The following KIRREL3 variants were observed in gnomAD, a reference collection of about 807,000 sequenced individuals.
The protein encoded by KIRREL3 is kin of IRRE-like protein 3.
A neutral mutation model predicts 89.7 loss-of-function variants in KIRREL3; 36 were observed. The observed-to-expected ratio is 0.40, with a 90% CI of 0.31 to 0.53. The LOEUF is 0.53. Among genes scored for constraint, KIRREL3 ranks in the 20% least tolerant of loss-of-function variants. The probability of loss-of-function intolerance (pLI) is 0.49; values close to 1 mark genes in which losing one functional copy is unlikely to be tolerated. For missense variants in KIRREL3, 864 were observed against 1,056.6 expected, an observed-to-expected ratio of 0.82 and a Z score of 2.53; for synonymous variants, 445 against 441.4, an observed-to-expected ratio of 1.01 and a Z score of -0.10.
At position 126,755,781 on chromosome 11, in the gene KIRREL3, T is replaced by C. The variant is rs1321470718; in HGVS notation, c.56-192869A>G. Reference sequence around the variant, plus strand: ...CCTTCTTTGCACTTTTTCCACCCCCTCACCACTACCCTGAATGCGTGCTCG... The same window carrying C: ...CCTTCTTTGCACTTTTTCCACCCCCCCACCACTACCCTGAATGCGTGCTCG... On this transcript the variant is annotated intron_variant, in intron 1 of 16. Coordinates refer to ENST00000525144, the MANE Select transcript of KIRREL3 (RefSeq NM_032531.4). The surrounding 1 kb of genome is among the most constrained non-coding windows in gnomAD (Gnocchi z 4.3). Among the ~76,000 whole-genome samples the C allele has an allele frequency of 6.7e-6, 1 of 150,366 alleles. No individual in the cohort carries two copies. The highest frequency in any genetic ancestry group is 2.5e-5 in the African/African-American group (1 of 40,718).
intron 1 of KIRREL3, among the ~76,000 whole-genome samples, chr11:126,829,412 A>G (rs1218305928): frequency 2.0e-5 from 3 of 152,194 alleles, no homozygotes; most frequent in African/African-American, 7.2e-5. Flanking sequence ...AGTTGGTTAA[A>G]AAGATCTTTT....
intron 10 of KIRREL3, among the ~76,000 whole-genome samples, chr11:126,444,425 G>T (rs1213216443): frequency 1.3e-5 from 2 of 152,214 alleles, no homozygotes; most frequent in African/African-American, 2.4e-5. Context: ...TTGAGGTTAG[G>T]AGTTGGAGAC....
At position 126,972,883 on chromosome 11, in the gene KIRREL3, C is replaced by T. The variant is rs116961014; in HGVS notation, c.55+27572G>A. Among the ~76,000 whole-genome samples, 740 of 151,974 alleles carry T rather than the reference C, an allele frequency of 4.9e-3. 6 individuals carry two copies. Among genetic ancestry groups the T allele is most frequent in the African/African-American group, 0.017 (702 of 41,446 alleles). On this transcript the variant is annotated intron_variant, in intron 1 of 16. Transcript: ENST00000525144. ...GAAAAAAAGTCATTTTTTCATTTTC[C>T]GCCATCGTGCACATAAAAAGGGACA...
In KIRREL3 at chr11:126,923,130, T is replaced by TTCTC. The variant is rs1555090108; in HGVS notation, c.55+77324_55+77325insGAGA. 1.8e-4 allele frequency among the ~76,000 whole-genome samples: 3 copies of TTCTC among 16,304 alleles called. 1 individual carries two copies. The highest frequency in any genetic ancestry group is 2.5e-4 in the African/African-American group (1 of 3,970). 10.7% of individuals were successfully genotyped at this position (16,304 alleles called of 152,430 possible). On this transcript the variant is annotated intron_variant, in intron 1 of 16. Transcript: ENST00000525144. ...CTTCTCCTTCTCCTTCTCCTTCTTC[T>TTCTC]CTTCTTCTTCTTCTTCTTCTTCTTC...
Position 126,615,219 on chromosome 11 carries a change from C to G in KIRREL3, c.56-52307G>C, listed in dbSNP as rs1338515380. Among the ~76,000 whole-genome samples the G allele has an allele frequency of 6.6e-5, 10 of 152,164 alleles. No homozygotes were observed. The highest frequency in any genetic ancestry group is 1.3e-4 in the Non-Finnish European group (9 of 68,022). On this transcript the variant is annotated intron_variant, in intron 1 of 16. Transcript: ENST00000525144. The surrounding 1 kb of genome is among the most constrained non-coding windows in gnomAD (Gnocchi z 5.4). Reference sequence around the variant, plus strand: ...GCACCTGCTTTTATGACAGTCTTCTCTACAATGAGACGACATCTTTCTCAT... The same window carrying G: ...GCACCTGCTTTTATGACAGTCTTCTGTACAATGAGACGACATCTTTCTCAT...
intron 1 of KIRREL3, among the ~76,000 whole-genome samples, chr11:126,863,337 G>GT (rs1745297864): frequency 6.6e-6 from 1 of 152,200 alleles, no homozygotes; most frequent in Non-Finnish European, 1.5e-5. Context: ...ATGTGGGGAG[G>GT]TGGGCATGGG....
chr11:126,449,269 G>C (rs1955937540), intron 7 of KIRREL3, 112 bp from the exon 8 acceptor site: 1 of 1,188,282 alleles, frequency 8.4e-7, no homozygotes, highest in Non-Finnish European at 1.2e-6. Context: ...TGGCAAGTGG[G>C]GAGTCCTCTG....
intron 1 of KIRREL3, among the ~76,000 whole-genome samples, chr11:126,648,107 A>G (rs1944763244): frequency 6.6e-6 from 1 of 152,022 alleles, no homozygotes. Flanking sequence ...GAAAGTGTGT[A>G]TCACCTCCTC....
At position 126,814,219 on chromosome 11, in the gene KIRREL3, C is replaced by G. The variant is rs1011920980; in HGVS notation, c.55+186236G>C. ...ACCACAATGACATACCATCTCATGC[C>G]AGGCAGAATGGCTTTTTTTTTAAAA... On this transcript the variant is annotated intron_variant, in intron 1 of 16. Coordinates refer to ENST00000525144, the MANE Select transcript of KIRREL3 (RefSeq NM_032531.4). This position sits in a 1 kb window ranked among gnomAD's most constrained non-coding sequence, Gnocchi z 4.4. Among the ~76,000 whole-genome samples the G allele has an allele frequency of 3.3e-5, 5 of 151,988 alleles. No homozygotes were observed. The highest frequency in any genetic ancestry group is 7.4e-5 in the Non-Finnish European group (5 of 68,010).
Position 126,954,514 on chromosome 11 carries a change from T to C in KIRREL3, c.55+45941A>G, listed in dbSNP as rs1784355. ...CTCCTGTCTATCTCCCTCCTCCCCATCCCCTCGTCCTCCTCTAGGCCTTTA... is the reference window on the plus strand; with the variant it reads ...CTCCTGTCTATCTCCCTCCTCCCCACCCCCTCGTCCTCCTCTAGGCCTTTA... On this transcript the variant is annotated intron_variant, in intron 1 of 16. Coordinates refer to ENST00000525144, the MANE Select transcript of KIRREL3 (RefSeq NM_032531.4). The surrounding 1 kb of genome is among the most constrained non-coding windows in gnomAD (Gnocchi z 4.1). Among the ~76,000 whole-genome samples the C allele has an allele frequency of 0.89, 135,644 of 151,706 alleles. 60,801 individuals carry two copies. The highest frequency in any genetic ancestry group is 0.96 in the Middle Eastern group (282 of 294).
Position 126,736,919 on chromosome 11 carries a change from A to G in KIRREL3, c.56-174007T>C, listed in dbSNP as rs1303081567. The stretch of plus-strand genomic sequence containing the variant: ...ACTGGCTGTCACAAGCATGGTGTGG[A>G]AAGGTCCTACTTAGTTTTCCAGGGA... On this transcript the variant is annotated intron_variant, in intron 1 of 16. Transcript: ENST00000525144. The surrounding 1 kb of genome is among the most constrained non-coding windows in gnomAD (Gnocchi z 5.0). Among the ~76,000 whole-genome samples the G allele has an allele frequency of 6.6e-6, 1 of 152,222 alleles. No homozygotes were observed. The highest frequency in any genetic ancestry group is 2.4e-5 in the African/African-American group (1 of 41,462).
At chr11:126,706,774 A>G (rs1947545097) in intron 1 of KIRREL3, among the ~76,000 whole-genome samples, 1 of 152,138 alleles carries the variant, frequency 6.6e-6, no homozygotes, top group Non-Finnish European at 1.5e-5. Context: ...TTCTGTAAAC[A>G]TCTTTTGCCC....
intron 4 of KIRREL3, among the ~76,000 whole-genome samples, chr11:126,518,190 G>A (rs1958476179): frequency 6.6e-6 from 1 of 152,200 alleles, no homozygotes; most frequent in Admixed American, 6.5e-5. Flanking sequence ...CTGAGAGCTG[G>A]AAACACAACG....
intron 1 of KIRREL3, among the ~76,000 whole-genome samples, chr11:126,667,056 A>G (rs866717133): frequency 6.6e-6 from 1 of 152,234 alleles, no homozygotes; most frequent in Non-Finnish European, 1.5e-5. Context: ...AATTTATTTC[A>G]GGGAGAGATA....
chr11:126,687,191 G>T lies in KIRREL3; in HGVS notation c.56-124279C>A, dbSNP rs2135120393. ...CACCTGCAACACTGTCATCAAACGTGCTGAGCCCTGCCTTGCGCCAGGCAG... is the reference window on the plus strand; with the variant it reads ...CACCTGCAACACTGTCATCAAACGTTCTGAGCCCTGCCTTGCGCCAGGCAG... On this transcript the variant is annotated intron_variant, in intron 1 of 16. Coordinates refer to ENST00000525144, the MANE Select transcript of KIRREL3 (RefSeq NM_032531.4). The surrounding 1 kb of genome is among the most constrained non-coding windows in gnomAD (Gnocchi z 4.6). 6.6e-6 allele frequency among the ~76,000 whole-genome samples: 1 copy of T among 152,304 alleles called. No homozygotes were observed. The highest frequency in any genetic ancestry group is 2.1e-4 in the South Asian group (1 of 4,818).
chr11:126,810,421 T>TTCTTCTG (rs1207256894), intron 1 of KIRREL3, among the ~76,000 whole-genome samples: 4 of 152,144 alleles, frequency 2.6e-5, no homozygotes, highest in African/African-American at 9.6e-5. Flanking sequence ...TGGGAGGCCT[T>TTCTTCTG]TCTTCTGGTC....
rs1448235836 is a variant in KIRREL3, at chr11:126,965,735, C to T, written c.55+34720G>A. Among the ~76,000 whole-genome samples, 2 of 152,044 alleles carry T rather than the reference C, an allele frequency of 1.3e-5. No homozygotes were observed. Among genetic ancestry groups the T allele is most frequent in the Non-Finnish European group, 2.9e-5 (2 of 68,024 alleles). On this transcript the variant is annotated intron_variant, in intron 1 of 16. Transcript: ENST00000525144. This position sits in a 1 kb window ranked among gnomAD's most constrained non-coding sequence, Gnocchi z 4.4. ...CTGACTTTGGAGTGCGTTATTTTCC[C>T]GTGTTTTACGTTGGCCTTGTTGTTT...
At chr11:126,678,599 CA>C (rs59342253) in intron 1 of KIRREL3, among the ~76,000 whole-genome samples, 66 of 50,040 alleles carry the variant, frequency 1.3e-3, no homozygotes, top group Non-Finnish European at 1.3e-3. Context: ...GACTCTGTCT[CA>C]AAAAAAAAAA....
chr11:126,878,679 T>A (rs527283921), intron 1 of KIRREL3, among the ~76,000 whole-genome samples: 1 of 151,890 alleles, frequency 6.6e-6, no homozygotes, highest in Non-Finnish European at 1.5e-5. Context: ...TTTGACCTAG[T>A]AATTTGAGGC....
Sources: gnomAD v4.1 joint callset for allele counts (sites outside exome capture counted in the v4.1 genomes callset) on GRCh38, gnomAD v4.1.1 for gene constraint, Gnocchi (gnomAD v3.1) non-coding constraint, MANE v1.5 for transcripts, NCBI Gene and HGNC (gene_info 2026-07-23, HGNC 2026-07-21) for gene names.